BBS4: variants seen among roughly 807,000 people sequenced by gnomAD.
BBS4 encodes BBSome complex member BBS4.
Under a neutral mutation model 71.4 loss-of-function variants are expected in BBS4, and 58 were observed. The ratio of observed to expected loss-of-function variants is 0.81; its 90% CI spans 0.66 to 1.01. BBS4 has a LOEUF of 1.01. BBS4 is among the 50% of genes least tolerant of loss of function. The pLI is 0.00. For missense variants in BBS4, 660 were observed against 607.9 expected (o/e 1.09, Z -0.90); for synonymous variants, 228 against 216.8 (o/e 1.05, Z -0.46).
chr15:72,729,102 G>A (rs187197488), intron 9 of BBS4, among the ~76,000 whole-genome samples: 321 of 149,000 alleles, frequency 2.2e-3, no homozygotes, highest in African/African-American at 7.7e-3. Flanking sequence ...AAAAATAGAA[G>A]GAAAACCATG....
Position 72,719,881 on chromosome 15 carries a change from C to G in BBS4, c.406-2913C>G, listed in dbSNP as rs189609481. ...TCTCCTCCCCCAGCCTCCTGAGTAG[C>G]TGGGATTTACAGGCACCCGCCACCA... On this transcript the variant is annotated intron_variant, in intron 6 of 15. Coordinates refer to ENST00000268057, the MANE Select transcript of BBS4 (RefSeq NM_033028.5). Among the ~76,000 whole-genome samples, 183 of 151,528 alleles carry G rather than the reference C, an allele frequency of 1.2e-3. No individual in the cohort carries two copies. The Middle Eastern group carries it at 0.014, about 11-fold the overall frequency.
At chr15:72,689,740 G>A (rs1011233361) in intron 1 of BBS4, among the ~76,000 whole-genome samples, 7 of 151,936 alleles carry the variant, frequency 4.6e-5, no homozygotes, top group African/African-American at 2.4e-5. Context: ...AAATGAATGA[G>A]CAACTAACTC....
chr15:72,699,593 A>G (rs1036454384), intron 2 of BBS4, among the ~76,000 whole-genome samples: 1 of 152,210 alleles, frequency 6.6e-6, no homozygotes, highest in Non-Finnish European at 1.5e-5. Context: ...TTTATCACTT[A>G]GAAAGTTTCC....
intron 12 of BBS4, 74 bp downstream of exon 12, chr15:72,731,800 T>C: frequency 6.4e-7 from 1 of 1,565,814 alleles, no homozygotes; most frequent in South Asian, 1.1e-5. Context: ...TCATAGAAGA[T>C]CAGTGGCTGT....
At chr15:72,719,991 C>T (rs935370250) in intron 6 of BBS4, among the ~76,000 whole-genome samples, 10 of 151,898 alleles carry the variant, frequency 6.6e-5, no homozygotes, top group Middle Eastern at 3.4e-3. Flanking sequence ...CGTTGTGATC[C>T]GCCCACCTTG....
chr15:72,702,802 C>CTTTTTTTT lies in BBS4; in HGVS notation c.77-6882_77-6875dup, dbSNP rs59816410. 7.0e-3 allele frequency among the ~76,000 whole-genome samples: 515 copies of CTTTTTTTT among 73,454 alleles called. 44 individuals are homozygous for CTTTTTTTT. Among genetic ancestry groups the CTTTTTTTT allele is most frequent in the Middle Eastern group, 0.022 (1 of 46 alleles). The allele number at this position is 73,454 out of a possible 152,430, so 48.2% of individuals were successfully genotyped here. A position where few individuals can be genotyped will look rare whatever the true frequency, so the allele number is the denominator to read the frequency against. ...TTTTTGGTATAGTGAGGAGCTGACT[C>CTTTTTTTT]TTTTTTTTTTTTTTTTTTTTTTTGA... On this transcript the variant is annotated intron_variant, in intron 2 of 15. Transcript: ENST00000268057.
chr15:72,732,483 T>C (rs2065844491), intron 12 of BBS4, among the ~76,000 whole-genome samples: 1 of 152,246 alleles, frequency 6.6e-6, no homozygotes, highest in Non-Finnish European at 1.5e-5. Context: ...ACTTACTAAA[T>C]GTAAGACCCA....
intron 1 of BBS4, chr15:72,686,664 G>A: frequency 1.1e-6 from 1 of 935,280 alleles, no homozygotes; most frequent in Non-Finnish European, 1.5e-6. Flanking sequence ...TGCCAGTGGA[G>A]CGGGACTGTG....
At chr15:72,727,533 C>G (rs1426274328) in intron 8 of BBS4, among the ~76,000 whole-genome samples, 1 of 152,016 alleles carries the variant, frequency 6.6e-6, no homozygotes, top group Non-Finnish European at 1.5e-5. Flanking sequence ...ATTATGCTGC[C>G]TGGCATTGTG....
chr15:72,710,589 C>A (rs940081345), intron 3 of BBS4, among the ~76,000 whole-genome samples: 11 of 152,092 alleles, frequency 7.2e-5, no homozygotes, highest in Non-Finnish European at 1.0e-4. Context: ...TTCTCTGTAT[C>A]TTTGGTGACA....
intron 2 of BBS4, among the ~76,000 whole-genome samples, chr15:72,700,255 GT>G (rs1000369333): frequency 2.0e-5 from 3 of 151,958 alleles, no homozygotes; most frequent in East Asian, 1.9e-4. Context: ...TTATTTACTG[GT>G]TTTTTTTGTG....
At chr15:72,707,606 AT>A (rs1448739331) in intron 2 of BBS4, among the ~76,000 whole-genome samples, 1 of 152,134 alleles carries the variant, frequency 6.6e-6, no homozygotes, top group Non-Finnish European at 1.5e-5. Flanking sequence ...AAAGCTTTTT[AT>A]TTTTTTGAGA....
intron 2 of BBS4, among the ~76,000 whole-genome samples, chr15:72,702,839 G>A (rs2065196535): frequency 1.9e-5 from 2 of 103,042 alleles, no homozygotes; most frequent in African/African-American, 3.4e-5. Flanking sequence ...ACGGAGTCTC[G>A]CTCTGTCGCC....
At chr15:72,690,439 A>G (rs1409677183) in intron 1 of BBS4, among the ~76,000 whole-genome samples, 1 of 152,266 alleles carries the variant, frequency 6.6e-6, no homozygotes, top group Non-Finnish European at 1.5e-5. Context: ...CATCAAAAAA[A>G]TAATTCTGCT....
In BBS4 at chr15:72,715,392, G is replaced by A. The variant is rs1595928075; in HGVS notation, c.322G>A (p.Ala108Thr). 6.2e-7 allele frequency: 1 copy of A among 1,613,290 alleles called. No individual in the cohort carries two copies. Among genetic ancestry groups the A allele is most frequent in the Non-Finnish European group, 8.5e-7 (1 of 1,179,276 alleles). The change falls in exon 5 of 16, where the codon GCC becomes ACC. Residue 108 changes from alanine (A) to threonine (T), a missense_variant. Transcript: ENST00000268057. ...PQSADNLKQVARSLFLLGKHK... is the reference protein window; with the variant it reads ...PQSADNLKQVTRSLFLLGKHK... ...GAGTGCTGATAACCTCAAGCAGGTG[G>A]CCAGATCTTTGTGAGTATTGGCAAC...
chr15:72,723,350 A>G (rs1417979652), intron 7 of BBS4, among the ~76,000 whole-genome samples: 1 of 152,220 alleles, frequency 6.6e-6, no homozygotes, highest in Admixed American at 6.5e-5. Flanking sequence ...TGATTAAGCT[A>G]TAGACTCCTA....
chr15:72,723,807 A>G (rs973645409), intron 7 of BBS4, among the ~76,000 whole-genome samples: 4 of 152,240 alleles, frequency 2.6e-5, no homozygotes, highest in Non-Finnish European at 5.9e-5. Context: ...GACAATTTCA[A>G]ACAGGCACAT....
At chr15:72,695,680 T>G (rs1043585129) in intron 2 of BBS4, among the ~76,000 whole-genome samples, 1 of 152,246 alleles carries the variant, frequency 6.6e-6, no homozygotes, top group Admixed American at 6.5e-5. Flanking sequence ...TTCTGTCACA[T>G]CTAGCTTTTA....
intron 2 of BBS4, among the ~76,000 whole-genome samples, chr15:72,698,383 A>G (rs2151001427): frequency 6.6e-6 from 1 of 152,294 alleles, no homozygotes; most frequent in Non-Finnish European, 1.5e-5. Context: ...TAAACAATAA[A>G]TCTCCACATC....
Sources: allele counts gnomAD v4.1 joint callset (sites outside exome capture counted in the v4.1 genomes callset), GRCh38; gene constraint gnomAD v4.1.1; transcripts MANE v1.5; gene names NCBI Gene and HGNC (gene_info 2026-07-23, HGNC 2026-07-21).